RTN4RL1: variants seen among roughly 807,000 people sequenced by gnomAD.
RTN4RL1 encodes reticulon-4 receptor-like 1.
RTN4RL1 carries 7 observed loss-of-function variants against 25.6 expected under a neutral mutation model. The ratio of observed to expected loss-of-function variants is 0.27; its 90% CI spans 0.16 to 0.51. RTN4RL1 has a LOEUF of 0.51. Among genes scored for constraint, RTN4RL1 ranks in the 20% least tolerant of loss-of-function variants. The pLI, the probability that RTN4RL1 is intolerant of heterozygous loss-of-function variation, is 0.97. For missense variants in RTN4RL1, 500 were observed against 615.6 expected, an observed-to-expected ratio of 0.81 and a Z score of 1.99; for synonymous variants, 297 against 288.2, an observed-to-expected ratio of 1.03 and a Z score of -0.31.
In RTN4RL1 at chr17:1,936,511, C is replaced by T. The variant is rs771194911; in HGVS notation, c.1311G>A (p.Ala437=). 9.7e-6 allele frequency: 15 copies of T among 1,546,164 alleles called. 1 individual carries two copies. The highest frequency in any genetic ancestry group is 3.6e-5 in the South Asian group (3 of 84,222). Residue 437 remains alanine, a synonymous_variant, in exon 2 of 2, where the codon GCG becomes GCA. Transcript: ENST00000331238. Reference sequence around the variant, plus strand: ...CCCTGGGTCCTCAGCGGAGAGTGACCGCCAGCCCCAGTGTCCAGGCCAGGA... The same window carrying T: ...CCCTGGGTCCTCAGCGGAGAGTGACTGCCAGCCCCAGTGTCCAGGCCAGGA... ...ASLLAWTLGL[A]VTLR
In RTN4RL1 at chr17:2,009,591, C is replaced by CAA. The variant is rs528797675; in HGVS notation, c.13+15260_13+15261dup. 4.3e-4 allele frequency among the ~76,000 whole-genome samples: 28 copies of CAA among 65,542 alleles called. 3 individuals are homozygous for CAA. Among genetic ancestry groups the CAA allele is most frequent in the South Asian group, 1.3e-3 (2 of 1,594 alleles). 43.0% of individuals were successfully genotyped at this position (65,542 alleles called of 152,430 possible). A position where few individuals can be genotyped will look rare whatever the true frequency, so the allele number is the denominator to read the frequency against. ...TGGGCGACAGAGCAAGACTCCGTCT[C>CAA]AAAAAAAAAAAAAAAAGGCAGGATT... is the stretch of plus-strand genomic sequence containing the variant. On this transcript the variant is annotated intron_variant, in intron 1 of 1. Transcript: ENST00000331238.
At chr17:1,966,299 T>C (rs1475491871) in intron 1 of RTN4RL1, among the ~76,000 whole-genome samples, 1 of 152,192 alleles carries the variant, frequency 6.6e-6, no homozygotes, top group Non-Finnish European at 1.5e-5. Context: ...TGTTGAGCTG[T>C]TACCTGGGGA....
chr17:2,000,357 T>C (rs1306297683), intron 1 of RTN4RL1, among the ~76,000 whole-genome samples: 2 of 151,874 alleles, frequency 1.3e-5, no homozygotes, highest in Non-Finnish European at 2.9e-5. Flanking sequence ...TTTGTTTGTT[T>C]GTTTGTTTAA....
At chr17:1,985,727 T>A (rs2066884792) in intron 1 of RTN4RL1, among the ~76,000 whole-genome samples, 1 of 152,108 alleles carries the variant, frequency 6.6e-6, no homozygotes, top group Non-Finnish European at 1.5e-5. Context: ...GTCTGGTGGC[T>A]GAGGAGGTGC....
chr17:1,938,700 C>T (rs968587147), intron 1 of RTN4RL1, among the ~76,000 whole-genome samples: 10 of 152,038 alleles, frequency 6.6e-5, no homozygotes, highest in African/African-American at 2.4e-4. Flanking sequence ...CAGTGTCTTC[C>T]ACATCCTCAA....
rs991614274 is a variant in RTN4RL1, at chr17:1,936,821, C to T, written c.1001G>A (p.Gly334Asp). 1.3e-6 allele frequency: 2 copies of T among 1,583,830 alleles called. No homozygotes were observed. Among genetic ancestry groups the T allele is most frequent in the Non-Finnish European group, 1.7e-6 (2 of 1,166,668 alleles). ...AARKEHHSPH[G>D]PTRSKGHPHG... ...CGGGTGGCCCTTGCTCCTGGTGGGG[C>T]CGTGGGGTGAGTGGTGTTCCTTGCG... Residue 334 changes from glycine to aspartate, a missense_variant, in exon 2 of 2, where the codon GGC (glycine) becomes GAC (aspartate). By Grantham distance (94) the Gly-to-Asp change is moderately conservative. This residue lies in a region of RTN4RL1 where 268 missense variants were observed against 274.5 expected (regional missense o/e 0.98). Coordinates refer to ENST00000331238, the MANE Select transcript of RTN4RL1 (RefSeq NM_178568.4).
chr17:1,981,445 C>A (rs554205496), intron 1 of RTN4RL1, among the ~76,000 whole-genome samples: 4 of 152,262 alleles, frequency 2.6e-5, no homozygotes, highest in African/African-American at 9.6e-5. Context: ...TTTTTCTTTG[C>A]ATAACTCTGC....
At chr17:2,022,672 C>T (rs528634103) in intron 1 of RTN4RL1, among the ~76,000 whole-genome samples, 2 of 152,362 alleles carry the variant, frequency 1.3e-5, no homozygotes, top group South Asian at 4.1e-4. Flanking sequence ...CAGGAAAGAA[C>T]CAACACAAGT....
intron 1 of RTN4RL1, among the ~76,000 whole-genome samples, chr17:1,945,277 C>G (rs916432854): frequency 6.6e-6 from 1 of 152,208 alleles, no homozygotes; most frequent in Non-Finnish European, 1.5e-5. Context: ...GGCTGGAGTG[C>G]AGTGGCACGA....
chr17:1,994,933 A>T lies in RTN4RL1; in HGVS notation c.13+29920T>A, dbSNP rs1348253453. 1.6e-5 allele frequency among the ~76,000 whole-genome samples: 2 copies of T among 125,512 alleles called. No homozygotes were observed. Among genetic ancestry groups the T allele is most frequent in the Non-Finnish European group, 3.1e-5 (2 of 63,492 alleles). 82.3% of individuals were successfully genotyped at this position (125,512 alleles called of 152,430 possible). A position where few individuals can be genotyped will look rare whatever the true frequency, so the allele number is the denominator to read the frequency against. On this transcript the variant is annotated intron_variant, in intron 1 of 1. Coordinates refer to ENST00000331238, the MANE Select transcript of RTN4RL1 (RefSeq NM_178568.4). This position sits in a 1 kb window ranked among gnomAD's most constrained non-coding sequence, Gnocchi z 4.3. ...GCCAACATAGTAAGACCCCATCTCT[A>T]AAAAAAAAAAAAAATCATGAAATGA...
chr17:1,962,279 G>GA lies in RTN4RL1; in HGVS notation c.14-24472dup, dbSNP rs1326927040. 2.3e-3 allele frequency among the ~76,000 whole-genome samples: 280 copies of GA among 124,078 alleles called. 2 individuals carry two copies. Among genetic ancestry groups the GA allele is most frequent in the South Asian group, 0.011 (44 of 3,962 alleles). The allele number at this position is 124,078 out of a possible 152,430, so 81.4% of individuals were successfully genotyped here. A position where few individuals can be genotyped will look rare whatever the true frequency, so the allele number is the denominator to read the frequency against. On this transcript the variant is annotated intron_variant, in intron 1 of 1. Coordinates refer to ENST00000331238, the MANE Select transcript of RTN4RL1 (RefSeq NM_178568.4). ...AGATGACAAATCAAGACCCTCTCTG[G>GA]AAAAAAAAAAAAGAAAGTAAGAAAA...
At chr17:2,001,310 T>TC (rs2066956136) in intron 1 of RTN4RL1, 2 of 152,380 alleles carry the variant, frequency 1.3e-5, no homozygotes, top group South Asian at 4.1e-4. Context: ...AGTGGTGTGA[T>TC]CTGGGCTCAC....
intron 1 of RTN4RL1, among the ~76,000 whole-genome samples, chr17:1,967,920 C>T (rs1482899295): frequency 5.9e-5 from 9 of 152,202 alleles, no homozygotes; most frequent in African/African-American, 2.2e-4. Flanking sequence ...GGATTACAGG[C>T]GTGAGCCATC....
At chr17:2,005,861 A>G (rs1171363997) in intron 1 of RTN4RL1, among the ~76,000 whole-genome samples, 1 of 147,132 alleles carries the variant, frequency 6.8e-6, no homozygotes, top group Admixed American at 6.8e-5. Flanking sequence ...CAGTGGCGCA[A>G]TCTCGGTTCA....
intron 1 of RTN4RL1, among the ~76,000 whole-genome samples, chr17:1,958,715 G>T (rs536590427): frequency 6.6e-6 from 1 of 152,366 alleles, no homozygotes; most frequent in East Asian, 1.9e-4. Context: ...GCTGGCAGCA[G>T]CGTGCGGGCC....
In RTN4RL1 at chr17:2,011,220, C is replaced by T. The variant is rs934570352; in HGVS notation, c.13+13633G>A. 2.0e-5 allele frequency among the ~76,000 whole-genome samples: 3 copies of T among 152,264 alleles called. No individual in the cohort carries two copies. In the South Asian group the frequency reaches 6.2e-4, roughly 32 times the overall value. On this transcript the variant is annotated intron_variant, in intron 1 of 1. Transcript: ENST00000331238. ...GAGCCAAGATCGCGCCATTGCACTCCAGCCTGGGCAACAAGAGTGAAACTC... is the reference window on the plus strand; with the variant it reads ...GAGCCAAGATCGCGCCATTGCACTCTAGCCTGGGCAACAAGAGTGAAACTC...
chr17:2,013,631 C>CTTGGGGTTTGATAGCTTTGAGG (rs1567528138), intron 1 of RTN4RL1, among the ~76,000 whole-genome samples: 2 of 135,926 alleles, frequency 1.5e-5, no homozygotes, highest in African/African-American at 5.7e-5. Context: ...CTCCCTCACC[C>CTTGGGGTTTGATAGCTTTGAGG]TGGAACATAA....
intron 1 of RTN4RL1, among the ~76,000 whole-genome samples, chr17:1,981,116 C>T (rs546145822): frequency 6.1e-5 from 9 of 147,736 alleles, no homozygotes; most frequent in South Asian, 4.3e-4. Flanking sequence ...CTGGGAGCCT[C>T]GTGCCTAGGA....
chr17:1,958,755 G>A (rs1339012074), intron 1 of RTN4RL1, among the ~76,000 whole-genome samples: 1 of 152,266 alleles, frequency 6.6e-6, no homozygotes, highest in African/African-American at 2.4e-5. Context: ...GCTTAGCAGG[G>A]CTTGCTGGTG....
Sources: gnomAD v4.1 joint callset for allele counts (sites outside exome capture counted in the v4.1 genomes callset) on GRCh38, gnomAD v4.1.1 for gene constraint, gnomAD v4.1.1 regional missense constraint, Gnocchi (gnomAD v3.1) non-coding constraint, MANE v1.5 for transcripts, NCBI Gene and HGNC (gene_info 2026-07-23, HGNC 2026-07-21) for gene names.